The following ZNF420 variants were observed in gnomAD, a reference collection of about 807,000 sequenced individuals.
The protein encoded by ZNF420 is zinc finger protein 420.
A neutral mutation model predicts 44.7 loss-of-function variants in ZNF420; 31 were observed. The ratio of observed to expected loss-of-function variants is 0.69; its 90% CI spans 0.52 to 0.94. ZNF420 has a LOEUF of 0.94. Among genes scored for constraint, ZNF420 ranks in the 40% least tolerant of loss-of-function variants. The pLI is 0.00. For missense variants in ZNF420, 681 were observed against 827.9 expected, an observed-to-expected ratio of 0.82 and a Z score of 2.18; for synonymous variants, 245 against 267.4, an observed-to-expected ratio of 0.92 and a Z score of 0.82.
At chr19:37,092,393 T>C (rs1022214483) in intron 4 of ZNF420, 6 of 152,122 alleles carry the variant, frequency 3.9e-5, no homozygotes, top group African/African-American at 1.4e-4. Flanking sequence ...CGGTCTTGTA[T>C]GTGCTTGGTA....
At chr19:37,033,344 C>T (rs1967296186) in intron 1 of ZNF420, among the ~76,000 whole-genome samples, 1 of 152,118 alleles carries the variant, frequency 6.6e-6, no homozygotes. Flanking sequence ...AACTCTGTAC[C>T]CTTTAAACAA....
intron 1 of ZNF420, among the ~76,000 whole-genome samples, chr19:37,009,091 G>T (rs1242490151): frequency 1.3e-5 from 2 of 152,114 alleles, no homozygotes; most frequent in Non-Finnish European, 2.9e-5. Flanking sequence ...CAAGAGAGGC[G>T]GTGTCACATT....
chr19:37,112,045 A>G (rs1307664545), intron 4 of ZNF420, among the ~76,000 whole-genome samples: 1 of 151,912 alleles, frequency 6.6e-6, no homozygotes. Flanking sequence ...TTTGCTAATA[A>G]ATGTAAAGCC....
chr19:37,047,803 T>G (rs1246563859), intron 1 of ZNF420, among the ~76,000 whole-genome samples: 1 of 152,244 alleles, frequency 6.6e-6, no homozygotes, highest in African/African-American at 2.4e-5. Flanking sequence ...TCCTGTGAAC[T>G]AGGTATTTCC....
intron 1 of ZNF420, among the ~76,000 whole-genome samples, chr19:37,037,213 G>A (rs1390318205): frequency 6.6e-6 from 1 of 152,194 alleles, no homozygotes. Flanking sequence ...TTGGCCAGGT[G>A]TCTGAGTGCC....
rs1211186998 is a variant in ZNF420 at position 37,127,031 on chromosome 19, G to A, written c.137-97G>A. Reference sequence around the variant, plus strand: ...TAATCAATATTTGAAACAAACTCATGTATGTCTGTTATTTCTTATGGGCAT... The same window carrying A: ...TAATCAATATTTGAAACAAACTCATATATGTCTGTTATTTCTTATGGGCAT... On this transcript the variant is annotated intron_variant, in intron 4 of 4. Transcript: ENST00000337995. 3.8e-6 allele frequency: 4 copies of A among 1,040,940 alleles called. No homozygotes were observed. The East Asian group carries it at 1.1e-4, about 29-fold the overall frequency. 64.5% of individuals were successfully genotyped at this position (1,040,940 alleles called of 1,614,324 possible).
chr19:37,128,938 G>A lies in ZNF420; in HGVS notation c.1947G>A (p.Gly649=). 6.2e-7 allele frequency: 1 copy of A among 1,613,946 alleles called. No homozygotes were observed. Among genetic ancestry groups the A allele is most frequent in the East Asian group, 2.2e-5 (1 of 44,890 alleles). The change falls in exon 5 of 5, where the codon GGG becomes GGA. Residue 649 remains glycine (G), a synonymous_variant. Transcript: ENST00000337995. The part of the protein sequence containing the change: ...GEKPYQCKEC[G]KAFTRGSQLT... ...AACCATATCAATGTAAGGAATGTGG[G>A]AAGGCCTTTACTCGTGGTTCACAGC...
At chr19:37,018,139 T>G (rs1329890021) in intron 1 of ZNF420, among the ~76,000 whole-genome samples, 3 of 152,298 alleles carry the variant, frequency 2.0e-5, no homozygotes, top group Admixed American at 2.0e-4. Context: ...ATATCATTCC[T>G]GAAAAAAAAT....
intron 2 of ZNF420, among the ~76,000 whole-genome samples, chr19:37,084,014 A>G (rs1325736138): frequency 6.6e-6 from 1 of 152,142 alleles, no homozygotes; most frequent in Non-Finnish European, 1.5e-5. Context: ...AAAAATCTTA[A>G]TTCGTAATGA....
intron 4 of ZNF420, among the ~76,000 whole-genome samples, chr19:37,100,018 T>A (rs1157313222): frequency 6.6e-6 from 1 of 152,216 alleles, no homozygotes. Flanking sequence ...TCAGTGCTTT[T>A]GAGGTATTAT....
intron 4 of ZNF420, among the ~76,000 whole-genome samples, chr19:37,098,086 A>G (rs1969562145): frequency 6.6e-6 from 1 of 151,842 alleles, no homozygotes; most frequent in Non-Finnish European, 1.5e-5. Context: ...ATCCTAGTTG[A>G]GACTACAGGC....
At chr19:37,029,167 A>G (rs975228964) in intron 1 of ZNF420, among the ~76,000 whole-genome samples, 3 of 152,216 alleles carry the variant, frequency 2.0e-5, no homozygotes, top group African/African-American at 4.8e-5. Context: ...CAGGTATCCA[A>G]CTGAAAAATA....
At chr19:37,040,384 T>G (rs771958148) in intron 1 of ZNF420, among the ~76,000 whole-genome samples, 42 of 152,350 alleles carry the variant, frequency 2.8e-4, no homozygotes, top group Non-Finnish European at 4.7e-4. Flanking sequence ...CTTAAGGGAA[T>G]GTCGTGGTTG....
rs1160874861 is a variant in ZNF420 at position 37,127,285 on chromosome 19, G to T, written c.294G>T (p.Lys98Asn). 1 of 1,613,492 alleles carries T rather than the reference G, an allele frequency of 6.2e-7. No individual in the cohort carries two copies. Among genetic ancestry groups the T allele is most frequent in the South Asian group, 1.1e-5 (1 of 90,958 alleles). The change falls in exon 5 of 5, where the codon AAG (lysine) becomes AAT (asparagine). Residue 98 changes from lysine to asparagine, a missense_variant. By Grantham distance (94) the Lys-to-Asn change is moderately conservative. Around this residue, in one of 3 missense-constraint regions of ZNF420, gnomAD observed 350 missense variants for 382.5 expected, o/e 0.92. Transcript: ENST00000337995. ...TGGAAGCCAAAGGCAAGATGGAGAA[G>T]CAACAAGAAAATCAGAAGGAATATT... ...DYLEAKGKME[K>N]QQENQKEYFR...
chr19:37,015,869 G>C (rs1471500096), intron 1 of ZNF420, among the ~76,000 whole-genome samples: 1 of 152,208 alleles, frequency 6.6e-6, no homozygotes, highest in African/African-American at 2.4e-5. Context: ...GGGATGGATT[G>C]ATCCTGCGCG....
intron 1 of ZNF420, among the ~76,000 whole-genome samples, chr19:37,040,117 C>T (rs969138244): frequency 3.3e-5 from 5 of 152,184 alleles, no homozygotes; most frequent in African/African-American, 1.2e-4. Context: ...GCTGTTTCAT[C>T]TACATTGACA....
At chr19:37,088,859 T>C (rs1968974402) in intron 2 of ZNF420, among the ~76,000 whole-genome samples, 180 bp from the exon 3 acceptor site, 1 of 152,248 alleles carries the variant, frequency 6.6e-6, no homozygotes, top group African/African-American at 2.4e-5. Flanking sequence ...TATTTTCTTT[T>C]TGTATATAGA....
chr19:37,011,380 G>A (rs953968142), intron 1 of ZNF420, among the ~76,000 whole-genome samples: 22 of 152,072 alleles, frequency 1.4e-4, no homozygotes, highest in African/African-American at 5.3e-4. Flanking sequence ...GCGGTGTCGC[G>A]TTTCCTCTTC....
intron 1 of ZNF420, among the ~76,000 whole-genome samples, chr19:37,071,600 A>G (rs997119017): frequency 1.3e-5 from 2 of 152,176 alleles, no homozygotes; most frequent in Admixed American, 6.5e-5. Flanking sequence ...CAGGAGTTCG[A>G]TACCAGCCTG....
Sources: allele counts gnomAD v4.1 joint callset (sites outside exome capture counted in the v4.1 genomes callset), GRCh38; gene constraint gnomAD v4.1.1; regional missense constraint gnomAD v4.1.1; transcripts MANE v1.5; gene names NCBI Gene and HGNC (gene_info 2026-07-23, HGNC 2026-07-21).